The following NRG1 variants were observed in gnomAD, a reference collection of about 807,000 sequenced individuals.
The protein encoded by NRG1 is pro-neuregulin-1, membrane-bound isoform.
In NRG1, 18 loss-of-function variants were observed where a neutral mutation model predicts 63.8. That is an observed-to-expected ratio of 0.28 (90% CI 0.19 to 0.42). The LOEUF (loss-of-function observed/expected upper bound fraction) is 0.42. Among genes scored for constraint, NRG1 ranks in the 10% least tolerant of loss-of-function variants. NRG1 has a pLI of 1.00. For synonymous variants in NRG1, 302 were observed against 301.3 expected (o/e 1.00, Z -0.02); for missense variants, 762 against 814.7 (o/e 0.94, Z 0.79).
At chr8:32,240,935 G>A (rs896955902) in intron 1 of NRG1, among the ~76,000 whole-genome samples, 1 of 152,042 alleles carries the variant, frequency 6.6e-6, no homozygotes, top group Admixed American at 6.6e-5. Flanking sequence ...TGCAAGAGAA[G>A]GAGAATGGGG....
Position 32,628,756 on chromosome 8 carries a change from G to A in NRG1, c.502+11871G>A, listed in dbSNP as rs187883640. On this transcript the variant is annotated intron_variant, in intron 5 of 11. Coordinates refer to ENST00000356819, the Ensembl canonical transcript of NRG1. Reference sequence around the variant, plus strand: ...CCCTTTTTTTTTTTTTTTTTGATATGAAGTCTCGCTCTGTCACCCAGGCTG... The same window carrying A: ...CCCTTTTTTTTTTTTTTTTTGATATAAAGTCTCGCTCTGTCACCCAGGCTG... Among the ~76,000 whole-genome samples the A allele has an allele frequency of 7.1e-3, 908 of 128,302 alleles. 9 individuals are homozygous for A. The highest frequency in any genetic ancestry group is 0.025 in the African/African-American group (847 of 34,246). The allele number at this position is 128,302 out of a possible 152,430, so 84.2% of individuals were successfully genotyped here.
At chr8:31,785,252 G>A (rs10092066) in intron 1 of NRG1, among the ~76,000 whole-genome samples, 2,667 of 152,282 alleles carry the variant, frequency 0.018, 88 homozygotes, top group African/African-American at 0.061. Context: ...CTCCAGGTTT[G>A]AGTATGGGAG....
intron 5 of NRG1, among the ~76,000 whole-genome samples, chr8:32,707,373 C>A (rs553423037): frequency 6.6e-6 from 1 of 152,078 alleles, no homozygotes; most frequent in Admixed American, 6.5e-5. Flanking sequence ...TGTCATACTC[C>A]TGAGAGAAAG....
At chr8:32,042,166 T>C (rs1276420331) in intron 1 of NRG1, among the ~76,000 whole-genome samples, 1 of 152,144 alleles carries the variant, frequency 6.6e-6, no homozygotes, top group African/African-American at 2.4e-5. Flanking sequence ...ATTTAGAGAC[T>C]GAGCATGGTA....
At chr8:32,183,369 C>T (rs530322475) in intron 1 of NRG1, among the ~76,000 whole-genome samples, 4 of 152,340 alleles carry the variant, frequency 2.6e-5, no homozygotes, top group African/African-American at 7.2e-5. Context: ...CTGTCTTCCT[C>T]TCTTTTTTGG....
intron 1 of NRG1, among the ~76,000 whole-genome samples, chr8:31,687,926 AGGGGCTTACAGCT>A (rs2131103850): frequency 6.6e-6 from 1 of 152,348 alleles, no homozygotes; most frequent in South Asian, 2.1e-4. Flanking sequence ...CAGCCCCTAA[AGGGGCTTACAGCT>A]GGGATTGTCC....
At chr8:32,345,678 A>T (rs976766183) in intron 1 of NRG1, among the ~76,000 whole-genome samples, 1 of 152,198 alleles carries the variant, frequency 6.6e-6, no homozygotes, top group African/African-American at 2.4e-5. Flanking sequence ...TGGTAAACTC[A>T]AAAGTATATG....
At position 32,128,728 on chromosome 8, in the gene NRG1, T is replaced by TA. The variant is rs1024384448; in HGVS notation, c.38-467092dup. On this transcript the variant is annotated intron_variant, in intron 1 of 10. Coordinates refer to the NRG1 transcript ENST00000519301. Reference sequence around the variant, plus strand: ...AATCTGATCATATCAACCTCTTTTTTAAAAAAAATCCTAAATATCTTCTCC... The same window carrying TA: ...AATCTGATCATATCAACCTCTTTTTTAAAAAAAAATCCTAAATATCTTCTCC... Among the ~76,000 whole-genome samples, 266 of 151,808 alleles carry TA rather than the reference T, an allele frequency of 1.8e-3. 3 individuals carry two copies. Among genetic ancestry groups the TA allele is most frequent in the Admixed American group, 3.3e-3 (50 of 15,220 alleles).
chr8:31,916,348 C>T (rs1056357243), intron 1 of NRG1, among the ~76,000 whole-genome samples: 2 of 152,030 alleles, frequency 1.3e-5, no homozygotes, highest in African/African-American at 2.4e-5. Flanking sequence ...TCTCCCAATG[C>T]TATCCCTCCC....
intron 1 of NRG1, among the ~76,000 whole-genome samples, chr8:31,685,345 T>C (rs1808774659): frequency 1.3e-5 from 2 of 152,180 alleles, no homozygotes; most frequent in South Asian, 4.1e-4. Context: ...TATAGTGGAA[T>C]AGGCAGATGT....
chr8:32,056,266 T>A (rs1203319219), intron 1 of NRG1, among the ~76,000 whole-genome samples: 1 of 152,192 alleles, frequency 6.6e-6, no homozygotes, highest in East Asian at 1.9e-4. Flanking sequence ...GATCTTAATT[T>A]CTGTCTTCCA....
chr8:31,700,024 G>A (rs1208841026), intron 1 of NRG1, among the ~76,000 whole-genome samples: 1 of 152,130 alleles, frequency 6.6e-6, no homozygotes, highest in East Asian at 1.9e-4. Context: ...ACTAGACATA[G>A]TCGATATAGG....
intron 1 of NRG1, among the ~76,000 whole-genome samples, chr8:31,724,927 C>T (rs1409579116): frequency 6.6e-6 from 1 of 152,144 alleles, no homozygotes; most frequent in African/African-American, 2.4e-5. Flanking sequence ...GTCTCTGTTG[C>T]ATCTACTCAA....
intron 5 of NRG1, among the ~76,000 whole-genome samples, chr8:32,652,678 G>A (rs1347639254): frequency 6.6e-6 from 1 of 151,900 alleles, no homozygotes; most frequent in African/African-American, 2.4e-5. Flanking sequence ...AAAATCTCTA[G>A]CCAATGACCA....
chr8:31,893,913 GT>G (rs1563535419), intron 1 of NRG1, among the ~76,000 whole-genome samples: 1 of 152,006 alleles, frequency 6.6e-6, no homozygotes, highest in African/African-American at 2.4e-5. Context: ...TTGGTGTCAA[GT>G]TCTGGCTAAT....
chr8:31,970,220 T>C (rs1807052066), intron 1 of NRG1, among the ~76,000 whole-genome samples: 1 of 152,150 alleles, frequency 6.6e-6, no homozygotes, highest in Non-Finnish European at 1.5e-5. Context: ...AACTTCTCAG[T>C]AAATTCAGAT....
intron 1 of NRG1, among the ~76,000 whole-genome samples, chr8:31,760,414 T>C (rs998665370): frequency 5.3e-5 from 8 of 151,914 alleles, no homozygotes; most frequent in African/African-American, 1.2e-4. Context: ...GTCTAAAACA[T>C]CAAAAGCAAT....
intron 1 of NRG1, among the ~76,000 whole-genome samples, chr8:31,920,355 T>C (rs2129618477): frequency 6.6e-6 from 1 of 152,282 alleles, no homozygotes; most frequent in African/African-American, 2.4e-5. Context: ...TCTTTTTGGC[T>C]CAAATCTTTT....
intron 5 of NRG1, among the ~76,000 whole-genome samples, chr8:32,632,031 A>G (rs1850405243): frequency 6.6e-6 from 1 of 152,244 alleles, no homozygotes; most frequent in Non-Finnish European, 1.5e-5. Flanking sequence ...TTAATAGCAA[A>G]GTAAATAATG....
Sources: allele counts gnomAD v4.1 joint callset (sites outside exome capture counted in the v4.1 genomes callset), GRCh38; gene constraint gnomAD v4.1.1; transcripts MANE v1.5; gene names NCBI Gene and HGNC (gene_info 2026-07-23, HGNC 2026-07-21).